The following PDE1C variants were observed in gnomAD, a reference collection of about 807,000 sequenced individuals.
The protein encoded by PDE1C is dual specificity calcium/calmodulin-dependent 3',5'-cyclic nucleotide phosphodiesterase 1C.
A neutral mutation model predicts 93.1 loss-of-function variants in PDE1C; 62 were observed. The observed-to-expected ratio is 0.67, with a 90% CI of 0.54 to 0.82. The LOEUF is 0.82. PDE1C is among the 40% of genes least tolerant of loss of function. The pLI is 0.00. For synonymous variants in PDE1C, 325 were observed against 310.1 expected, an observed-to-expected ratio of 1.05 and a Z score of -0.50; for missense variants, 742 against 884.6, an observed-to-expected ratio of 0.84 and a Z score of 2.04.
chr7:31,814,591 C>A (rs1787988897), intron 15 of PDE1C, among the ~76,000 whole-genome samples: 1 of 151,542 alleles, frequency 6.6e-6, no homozygotes, highest in African/African-American at 2.4e-5. Context: ...ATGTAGAAAT[C>A]ATTGACCACG....
At chr7:32,029,900 A>G (rs1490626947) in intron 2 of PDE1C, among the ~76,000 whole-genome samples, 1 of 152,132 alleles carries the variant, frequency 6.6e-6, no homozygotes, top group Non-Finnish European at 1.5e-5. Flanking sequence ...AACATTATTT[A>G]TCACAGTAAA....
chr7:32,328,871 T>C (rs1263235407), intron 1 of PDE1C, among the ~76,000 whole-genome samples: 1 of 152,244 alleles, frequency 6.6e-6, no homozygotes, highest in Non-Finnish European at 1.5e-5. Context: ...GCCTTCTTGG[T>C]CACTACTGCA....
chr7:31,669,781 A>G, the PDE1C span, among the ~76,000 whole-genome samples: 8 of 152,190 alleles, frequency 5.3e-5, no homozygotes, highest in Admixed American at 2.0e-4. Context: ...TTTTCAACAC[A>G]ATTTTCAATG....
At chr7:31,771,205 A>C (rs1322381697) in intron 17 of PDE1C, among the ~76,000 whole-genome samples, 1 of 152,052 alleles carries the variant, frequency 6.6e-6, no homozygotes, top group African/African-American at 2.4e-5. Flanking sequence ...TCTGTGGTAC[A>C]CTCTGCTACT....
intron 2 of PDE1C, among the ~76,000 whole-genome samples, chr7:31,970,532 G>T (rs1810802725): frequency 6.6e-6 from 1 of 152,188 alleles, no homozygotes; most frequent in South Asian, 2.1e-4. Flanking sequence ...GTTCTAGATA[G>T]AAATCTCCTT....
chr7:31,724,138 A>T, the PDE1C span, among the ~76,000 whole-genome samples: 1 of 152,148 alleles, frequency 6.6e-6, no homozygotes, highest in African/African-American at 2.4e-5. Context: ...TTATCCTGGC[A>T]ACCATCCTTT....
the PDE1C span, among the ~76,000 whole-genome samples, chr7:31,636,015 C>G: frequency 3.9e-5 from 6 of 152,118 alleles, no homozygotes; most frequent in Non-Finnish European, 7.4e-5. Context: ...AACTTACAAT[C>G]ACGGCAGAAG....
chr7:31,639,265 C>T, the PDE1C span, among the ~76,000 whole-genome samples: 7 of 152,072 alleles, frequency 4.6e-5, no homozygotes, highest in Non-Finnish European at 8.8e-5. Flanking sequence ...GATGCATTTT[C>T]GTTTTAAAAA....
chr7:31,681,008 A>G, the PDE1C span, among the ~76,000 whole-genome samples: 1 of 152,226 alleles, frequency 6.6e-6, no homozygotes, highest in African/African-American at 2.4e-5. Context: ...AGTAGGGACC[A>G]GCCTAGCCAC....
At chr7:32,327,483 T>G (rs1783424894) in intron 1 of PDE1C, among the ~76,000 whole-genome samples, 1 of 152,120 alleles carries the variant, frequency 6.6e-6, no homozygotes, top group Admixed American at 6.5e-5. Flanking sequence ...TTTCTCTATT[T>G]CAAAATTATA....
At chr7:32,018,583 T>G (rs573712499) in intron 2 of PDE1C, among the ~76,000 whole-genome samples, 1 of 152,142 alleles carries the variant, frequency 6.6e-6, no homozygotes, top group Non-Finnish European at 1.5e-5. Flanking sequence ...GAAATTGTAT[T>G]GTCCCATTTA....
rs116475791 is a variant in PDE1C at position 32,228,476 on chromosome 7, T to C, written c.86-18937A>G. Among the ~76,000 whole-genome samples, 466 of 152,278 alleles carry C rather than the reference T, an allele frequency of 3.1e-3. 1 individual carries two copies. Among genetic ancestry groups the C allele is most frequent in the African/African-American group, 0.011 (442 of 41,562 alleles). ...ATGAGACAACTAAAGCTTAGAAAGTTTAAGGAATTTGTCCGAGGGCACCCA... is the reference window on the plus strand; with the variant it reads ...ATGAGACAACTAAAGCTTAGAAAGTCTAAGGAATTTGTCCGAGGGCACCCA... On this transcript the variant is annotated intron_variant, in intron 1 of 18. Coordinates refer to the PDE1C transcript ENST00000396193.
At chr7:31,830,825 A>C (rs1790290360) in intron 11 of PDE1C, among the ~76,000 whole-genome samples, 1 of 152,188 alleles carries the variant, frequency 6.6e-6, no homozygotes, top group South Asian at 2.1e-4. Context: ...AGCACTTTGG[A>C]AGCAAGGTAG....
intron 2 of PDE1C, among the ~76,000 whole-genome samples, chr7:32,193,028 T>C (rs1473448940): frequency 6.6e-6 from 1 of 152,186 alleles, no homozygotes; most frequent in African/African-American, 2.4e-5. Context: ...AGAACTCATT[T>C]ATTAGTCTAG....
At chr7:31,732,640 G>T in the PDE1C span, among the ~76,000 whole-genome samples, 15 of 16,728 alleles carry the variant, frequency 9.0e-4, no homozygotes, top group Admixed American at 1.9e-3. Flanking sequence ...CTCTCTTTCT[G>T]TGTGTGTGTG....
In PDE1C at chr7:31,762,682, T is replaced by C. The variant is rs114003065; in HGVS notation, c.1961-9129A>G. On this transcript the variant is annotated intron_variant, in intron 17 of 17. Coordinates refer to ENST00000396191, the MANE Select transcript of PDE1C (RefSeq NM_001191057.4). ...AAAGACCCAGATTCTCCAAGGACTT[T>C]ACCTCAAGAAAGTGAGAATGCTGAA... is the stretch of plus-strand genomic sequence containing the variant. 4.5e-3 allele frequency among the ~76,000 whole-genome samples: 678 copies of C among 152,280 alleles called. 5 individuals carry two copies. The highest frequency in any genetic ancestry group is 0.016 in the African/African-American group (645 of 41,568).
At chr7:31,631,021 C>G in the PDE1C span, among the ~76,000 whole-genome samples, 1 of 151,984 alleles carries the variant, frequency 6.6e-6, no homozygotes, top group African/African-American at 2.4e-5. Context: ...GTTATTAACT[C>G]AAGAAGTAGG....
intron 2 of PDE1C, among the ~76,000 whole-genome samples, chr7:31,895,027 T>C (rs576606468): frequency 5.3e-5 from 8 of 152,212 alleles, no homozygotes; most frequent in African/African-American, 1.9e-4. Flanking sequence ...AGGACACCCT[T>C]ACACAAACCC....
chr7:32,041,670 G>A (rs80113895), intron 2 of PDE1C, among the ~76,000 whole-genome samples: 2,903 of 152,088 alleles, frequency 0.019, 103 homozygotes, highest in African/African-American at 0.066. Context: ...TGATCACATC[G>A]CTTCAAAGCA....
Sources: allele counts gnomAD v4.1 joint callset (sites outside exome capture counted in the v4.1 genomes callset), GRCh38; gene constraint gnomAD v4.1.1; transcripts MANE v1.5; gene names NCBI Gene and HGNC (gene_info 2026-07-23, HGNC 2026-07-21).